Variants in STK16 observed in about 807,000 individuals in gnomAD.
The protein encoded by STK16 is serine/threonine kinase 16.
A neutral mutation model predicts 37.8 loss-of-function variants in STK16; 28 were observed. That is an observed-to-expected ratio of 0.74 (90% CI 0.55 to 1.02). STK16 has a LOEUF of 1.02. STK16 is among the 50% of genes least tolerant of loss of function. The pLI, the probability that STK16 is intolerant of heterozygous loss-of-function variation, is 0.00. For missense variants in STK16, 349 were observed against 390.6 expected (o/e 0.89, Z 0.90); for synonymous variants, 134 against 155.0 (o/e 0.86, Z 1.01).
Position 219,246,566 on chromosome 2 carries a change from A to T in STK16, c.87-91A>T. 1 of 979,218 alleles carries T rather than the reference A, an allele frequency of 1.0e-6. No homozygotes were observed. The highest frequency in any genetic ancestry group is 1.6e-6 in the Non-Finnish European group (1 of 616,990). The allele number at this position is 979,218 out of a possible 1,614,324, so 60.7% of individuals were successfully genotyped here. A position where few individuals can be genotyped will look rare whatever the true frequency, so the allele number is the denominator to read the frequency against. On this transcript the variant is annotated intron_variant, in intron 2 of 7. Coordinates refer to ENST00000396738, the MANE Select transcript of STK16 (RefSeq NM_001330213.2). This position sits in a 1 kb window ranked among gnomAD's most constrained non-coding sequence, Gnocchi z 4.5. ...CTTGGGAAGGTTTCTGCTAAATGGG[A>T]AGGACACCCCACTCCCCACCAGGAA... is the stretch of plus-strand genomic sequence containing the variant.
rs980513932 is a variant in STK16 at position 219,245,501 on chromosome 2, G to T, written c.-400G>T. On this transcript the variant is annotated 5_prime_UTR_variant, in exon 1 of 8. Transcript: ENST00000396738. ...GTCAGCACTGCTTCCGGTCGGTGGC[G>T]CTTCTCTCTGGCCCGAGCCAGGTCA... 1 of 152,970 alleles carries T rather than the reference G, an allele frequency of 6.5e-6. No homozygotes were observed. The highest frequency in any genetic ancestry group is 2.4e-5 in the African/African-American group (1 of 41,474). The allele number at this position is 152,970 out of a possible 1,614,324, so 9.5% of individuals were successfully genotyped here.
At position 219,248,877 on chromosome 2, in the gene STK16, C is replaced by T; in HGVS notation, c.*318C>T. 3.9e-6 allele frequency: 1 copy of T among 259,224 alleles called. No individual in the cohort carries two copies. Among genetic ancestry groups the T allele is most frequent in the Non-Finnish European group, 7.5e-6 (1 of 133,366 alleles). 16.1% of individuals were successfully genotyped at this position (259,224 alleles called of 1,614,324 possible). A position where few individuals can be genotyped will look rare whatever the true frequency, so the allele number is the denominator to read the frequency against. On this transcript the variant is annotated 3_prime_UTR_variant, in exon 8 of 8. Coordinates refer to ENST00000396738, the MANE Select transcript of STK16 (RefSeq NM_001330213.2). ...ATCTGGGAGCAGGAGAATGTGTAAA[C>T]AAGAATAAAGTGGAAGCAGGTTGGT...
At position 219,250,115 on chromosome 2, in the gene STK16, C is replaced by T; in HGVS notation, c.*1556C>T. Reference sequence around the variant, plus strand: ...CTCCCTATACTGAGTAACCCTAGGACTTCAATTTAAAGTCCCTGGGGTTAT... The same window carrying T: ...CTCCCTATACTGAGTAACCCTAGGATTTCAATTTAAAGTCCCTGGGGTTAT... On this transcript the variant is annotated 3_prime_UTR_variant, in exon 8 of 8. Coordinates refer to ENST00000396738, the MANE Select transcript of STK16 (RefSeq NM_001330213.2). This position sits in a 1 kb window ranked among gnomAD's most constrained non-coding sequence, Gnocchi z 8.4. 1 of 607,700 alleles carries T rather than the reference C, an allele frequency of 1.6e-6. No homozygotes were observed. The highest frequency in any genetic ancestry group is 2.9e-6 in the Non-Finnish European group (1 of 348,484). The allele number at this position is 607,700 out of a possible 1,614,324, so 37.6% of individuals were successfully genotyped here. A position where few individuals can be genotyped will look rare whatever the true frequency, so the allele number is the denominator to read the frequency against.
chr2:219,250,148 G>A lies in STK16; in HGVS notation c.*1589G>A. 1.3e-6 allele frequency: 1 copy of A among 750,196 alleles called. No homozygotes were observed. The highest frequency in any genetic ancestry group is 2.2e-6 in the Non-Finnish European group (1 of 453,626). The allele number at this position is 750,196 out of a possible 1,614,324, so 46.5% of individuals were successfully genotyped here. On this transcript the variant is annotated 3_prime_UTR_variant, in exon 8 of 8. Coordinates refer to ENST00000396738, the MANE Select transcript of STK16 (RefSeq NM_001330213.2). This position sits in a 1 kb window ranked among gnomAD's most constrained non-coding sequence, Gnocchi z 8.4. ...TAAAGTCCCTGGGGTTATGCTTCCT[G>A]GGCCTGGCAAGAACCCCTTTGCAGG...
chr2:219,250,190 G>A lies in STK16; in HGVS notation c.*1631G>A, dbSNP rs1951621758. 9.4e-7 allele frequency: 1 copy of A among 1,060,706 alleles called. No homozygotes were observed. Among genetic ancestry groups the A allele is most frequent in the Non-Finnish European group, 1.4e-6 (1 of 724,190 alleles). The allele number at this position is 1,060,706 out of a possible 1,614,324, so 65.7% of individuals were successfully genotyped here. Reference sequence around the variant, plus strand: ...CTTTGCAGGTCTCACCTTCAGCGATGGAAGGGATAAGGGTCATGAACAGCA... The same window carrying A: ...CTTTGCAGGTCTCACCTTCAGCGATAGAAGGGATAAGGGTCATGAACAGCA... On this transcript the variant is annotated 3_prime_UTR_variant, in exon 8 of 8. Transcript: ENST00000396738. This position sits in a 1 kb window ranked among gnomAD's most constrained non-coding sequence, Gnocchi z 8.4.
At position 219,249,006 on chromosome 2, in the gene STK16, G is replaced by A. The variant is rs885854; in HGVS notation, c.*447G>A. Reference sequence around the variant, plus strand: ...CTGCCTGGGAAGGAGGAATGGTGCAGAGTCGGCAATGGTGTGACTTCATTC... The same window carrying A: ...CTGCCTGGGAAGGAGGAATGGTGCAAAGTCGGCAATGGTGTGACTTCATTC... On this transcript the variant is annotated 3_prime_UTR_variant, in exon 8 of 8. Coordinates refer to ENST00000396738, the MANE Select transcript of STK16 (RefSeq NM_001330213.2). 28,687 of 163,036 alleles carry A rather than the reference G, an allele frequency of 0.18. 2,724 individuals carry two copies. The highest frequency in any genetic ancestry group is 0.26 in the South Asian group (1,726 of 6,636). 10.1% of individuals were successfully genotyped at this position (163,036 alleles called of 1,614,324 possible).
chr2:219,247,758 G>T lies in STK16; in HGVS notation c.657+1G>T. 6.4e-7 allele frequency: 1 copy of T among 1,570,482 alleles called. No individual in the cohort carries two copies. The highest frequency in any genetic ancestry group is 8.6e-7 in the Non-Finnish European group (1 of 1,156,674). ...CATCGATGAGCGGACTGATGTCTGG[G>T]TGAGGAGCATGTGGGTGGGTATCTG... is the stretch of plus-strand genomic sequence containing the variant. On this transcript the variant is annotated splice_donor_variant, in intron 6 of 7. Transcript: ENST00000396738. LOFTEE classifies it high-confidence loss of function.
chr2:219,248,556 C>A lies in STK16; in HGVS notation c.915C>A (p.Ile305=), dbSNP rs1261247935. The change falls in exon 8 of 8, where the codon ATC becomes ATA. Residue 305 remains isoleucine, a synonymous_variant. Transcript: ENST00000396738. ...CTCCTGGCCAACATACTACCCAAAT[C>A]TGAAAAAGCAGCATGTTGAGAAGAT... ...PPAPGQHTTQ[I] 1 of 1,605,112 alleles carries A rather than the reference C, an allele frequency of 6.2e-7. No individual in the cohort carries two copies. Among genetic ancestry groups the A allele is most frequent in the Non-Finnish European group, 8.5e-7 (1 of 1,175,946 alleles).
At chr2:219,247,966 G>A (rs1951574752) in intron 6 of STK16, 1 of 814,056 alleles carries the variant, frequency 1.2e-6, no homozygotes. Context: ...AACAAGGTGA[G>A]TACAGCTCAG....
Position 219,250,141 on chromosome 2 carries a change from G to T in STK16, c.*1582G>T. 1.4e-6 allele frequency: 1 copy of T among 724,512 alleles called. No homozygotes were observed. The highest frequency in any genetic ancestry group is 2.3e-6 in the Non-Finnish European group (1 of 434,020). 44.9% of individuals were successfully genotyped at this position (724,512 alleles called of 1,614,324 possible). ...TTCAATTTAAAGTCCCTGGGGTTAT[G>T]CTTCCTGGGCCTGGCAAGAACCCCT... On this transcript the variant is annotated 3_prime_UTR_variant, in exon 8 of 8. Coordinates refer to ENST00000396738, the MANE Select transcript of STK16 (RefSeq NM_001330213.2). The surrounding 1 kb of genome is among the most constrained non-coding windows in gnomAD (Gnocchi z 8.4).
At chr2:219,247,025 C>A in intron 3 of STK16, 88 bp from the exon 4 acceptor site, 2 of 1,581,698 alleles carry the variant, frequency 1.3e-6, no homozygotes, top group South Asian at 1.1e-5. Flanking sequence ...CATGAAAGGG[C>A]TGATAGGCTT....
rs1951517006 is a variant in STK16, at chr2:219,245,825, C to T, written c.-105+29C>T. The T allele has an allele frequency of 7.2e-6, 4 of 555,826 alleles. No homozygotes were observed. The East Asian group carries it at 1.3e-4, about 17-fold the overall frequency. The allele number at this position is 555,826 out of a possible 1,614,324, so 34.4% of individuals were successfully genotyped here. ...GGTTCCAGAGACCTGGGCCTGAGCTCTCCGCATTGGTACTTCATGGGTCGT... is the reference window on the plus strand; with the variant it reads ...GGTTCCAGAGACCTGGGCCTGAGCTTTCCGCATTGGTACTTCATGGGTCGT... On this transcript the variant is annotated intron_variant, in intron 1 of 7. Coordinates refer to ENST00000396738, the MANE Select transcript of STK16 (RefSeq NM_001330213.2).
chr2:219,248,549 C>T lies in STK16; in HGVS notation c.908C>T (p.Thr303Ile). 1 of 1,608,006 alleles carries T rather than the reference C, an allele frequency of 6.2e-7. No homozygotes were observed. Among genetic ancestry groups the T allele is most frequent in the Non-Finnish European group, 8.5e-7 (1 of 1,177,570 alleles). The change falls in exon 8 of 8, where the codon ACC (threonine) becomes ATC (isoleucine). Residue 303 changes from threonine (T) to isoleucine (I), a missense_variant. Coordinates refer to ENST00000396738, the MANE Select transcript of STK16 (RefSeq NM_001330213.2). The stretch of plus-strand genomic sequence containing the variant: ...CCCCCAGCTCCTGGCCAACATACTA[C>T]CCAAATCTGAAAAAGCAGCATGTTG... ...LQPPAPGQHT[T>I]QI is the part of the protein sequence containing the mutation.
chr2:219,248,617 C>T lies in STK16; in HGVS notation c.*58C>T, dbSNP rs769867157. ...GCCTTGGAAAGAGGTTCCCATCCCT[C>T]ATTGGAATCACCACCCATTCCATCC... On this transcript the variant is annotated 3_prime_UTR_variant, in exon 8 of 8. Coordinates refer to ENST00000396738, the MANE Select transcript of STK16 (RefSeq NM_001330213.2). 1.8e-5 allele frequency: 28 copies of T among 1,551,188 alleles called. No individual in the cohort carries two copies. Among genetic ancestry groups the T allele is most frequent in the Non-Finnish European group, 2.4e-5 (28 of 1,147,304 alleles).
Position 219,248,409 on chromosome 2 carries a change from C to G in STK16, c.780-12C>G, listed in dbSNP as rs899932581. 1.9e-6 allele frequency: 3 copies of G among 1,613,318 alleles called. No homozygotes were observed. The Admixed American group carries it at 5.0e-5, about 27-fold the overall frequency. On this transcript the variant is annotated splice_polypyrimidine_tract_variant and intron_variant, in intron 7 of 7. Transcript: ENST00000396738. ...GGTGTCATCCGGTCACCCTGGGCTC[C>G]TCCCTCCACAGGCATTCTTCAGCAT...
At chr2:219,247,041 T>A (rs1371016139) in intron 3 of STK16, 72 bp from the exon 4 acceptor site, 9 of 1,598,742 alleles carry the variant, frequency 5.6e-6, no homozygotes, top group Non-Finnish European at 7.7e-6. Flanking sequence ...GGCTTTGACA[T>A]AGGGAAGGGA....
chr2:219,246,242 GC>G lies in STK16; in HGVS notation c.86+159del. The G allele has an allele frequency of 1.6e-6, 1 of 644,890 alleles. No homozygotes were observed. Among genetic ancestry groups the G allele is most frequent in the East Asian group, 2.8e-5 (1 of 36,104 alleles). The allele number at this position is 644,890 out of a possible 1,614,324, so 39.9% of individuals were successfully genotyped here. On this transcript the variant is annotated intron_variant, in intron 2 of 7. Coordinates refer to ENST00000396738, the MANE Select transcript of STK16 (RefSeq NM_001330213.2). This position sits in a 1 kb window ranked among gnomAD's most constrained non-coding sequence, Gnocchi z 4.5. Reference sequence around the variant, plus strand: ...CAGTATCAAGAAGGTGGATTCTGGAGCCAGGCCTGCTAAATCCACCTCGTGT... The same window carrying G: ...CAGTATCAAGAAGGTGGATTCTGGAGCAGGCCTGCTAAATCCACCTCGTGT...
In STK16 at chr2:219,248,235, C is replaced by A; in HGVS notation, c.700C>A (p.Pro234Thr). 6.2e-7 allele frequency: 1 copy of A among 1,614,146 alleles called. No individual in the cohort carries two copies. Among genetic ancestry groups the A allele is most frequent in the Non-Finnish European group, 8.5e-7 (1 of 1,180,038 alleles). The change falls in exon 7 of 8, where the codon CCT becomes ACT. Residue 234 changes from proline (P) to threonine (T), a missense_variant. Coordinates refer to ENST00000396738, the MANE Select transcript of STK16 (RefSeq NM_001330213.2). ...VLYAMMFGEGPYDMVFQKGDS... is the reference protein window; with the variant it reads ...VLYAMMFGEGTYDMVFQKGDS... ...ATATGCCATGATGTTTGGGGAAGGC[C>A]CTTATGACATGGTGTTCCAAAAGGG...
At position 219,246,709 on chromosome 2, in the gene STK16, G is replaced by T. The variant is rs1457000302; in HGVS notation, c.139G>T (p.Ala47Ser). The change falls in exon 3 of 8, where the codon GCC becomes TCC. Residue 47 changes from alanine to serine, a missense_variant. Physicochemically the swap from Ala to Ser is moderately conservative, Grantham distance 99. Coordinates refer to ENST00000396738, the MANE Select transcript of STK16 (RefSeq NM_001330213.2). This position sits in a 1 kb window ranked among gnomAD's most constrained non-coding sequence, Gnocchi z 4.5. ...VEGLHDGHFY[A>S]LKRILCHEQQ... Reference sequence around the variant, plus strand: ...AGGGTTACATGATGGACACTTCTACGCCCTGAAGCGAATCCTGTGTCACGA... The same window carrying T: ...AGGGTTACATGATGGACACTTCTACTCCCTGAAGCGAATCCTGTGTCACGA... The T allele has an allele frequency of 6.2e-7, 1 of 1,614,192 alleles. No homozygotes were observed. Among genetic ancestry groups the T allele is most frequent in the Non-Finnish European group, 8.5e-7 (1 of 1,180,038 alleles).
Sources: gnomAD v4.1 joint callset for allele counts on GRCh38, gnomAD v4.1.1 for gene constraint, Gnocchi (gnomAD v3.1) non-coding constraint, MANE v1.5 for transcripts, NCBI Gene and HGNC (gene_info 2026-07-23, HGNC 2026-07-21) for gene names.